COG2: variants seen among roughly 807,000 people sequenced by gnomAD.
COG2 encodes the protein component of oligomeric golgi complex 2, also known as conserved oligomeric Golgi complex subunit 2.
COG2 carries 52 observed loss-of-function variants against 90.6 expected under a neutral mutation model. The observed-to-expected ratio is 0.57, with a 90% CI of 0.46 to 0.72. The LOEUF is 0.72. Among genes scored for constraint, COG2 ranks in the 30% least tolerant of loss-of-function variants. COG2 has a pLI of 0.00. For synonymous variants in COG2, 337 were observed against 320.4 expected, an observed-to-expected ratio of 1.05 and a Z score of -0.55; for missense variants, 829 against 891.2, an observed-to-expected ratio of 0.93 and a Z score of 0.89.
chr1:230,672,189 C>T (rs1662464010), intron 8 of COG2, among the ~76,000 whole-genome samples: 1 of 152,188 alleles, frequency 6.6e-6, no homozygotes, highest in African/African-American at 2.4e-5. Context: ...CAGTCTCTCC[C>T]TCTCTAGTCT....
intron 7 of COG2, chr1:230,670,873 A>G (rs947870916): frequency 6.6e-6 from 1 of 152,004 alleles, no homozygotes; most frequent in Admixed American, 6.6e-5. Flanking sequence ...TTGGTCTCCC[A>G]AAGTGCTGGG....
chr1:230,644,411 G>C (rs1017837565), intron 1 of COG2, among the ~76,000 whole-genome samples: 1 of 152,180 alleles, frequency 6.6e-6, no homozygotes, highest in Non-Finnish European at 1.5e-5. Context: ...CAGAAAGGAT[G>C]GTTGGAACAC....
intron 1 of COG2, among the ~76,000 whole-genome samples, chr1:230,647,857 A>G (rs1307813201): frequency 6.6e-6 from 1 of 151,756 alleles, no homozygotes; most frequent in Admixed American, 6.6e-5. Context: ...TTTTTTAAAG[A>G]CTCTTTTCAA....
intron 15 of COG2, 67 bp from the exon 16 acceptor site, chr1:230,689,947 G>C (rs1315974448): frequency 1.4e-5 from 20 of 1,452,832 alleles, no homozygotes; most frequent in Non-Finnish European, 1.8e-5. Context: ...CTTGAGTTCT[G>C]GGTAACTTAC....
At chr1:230,644,401 C>T (rs529626786) in intron 1 of COG2, among the ~76,000 whole-genome samples, 63 of 152,286 alleles carry the variant, frequency 4.1e-4, no homozygotes, top group African/African-American at 1.5e-3. Flanking sequence ...ACTTCCATGG[C>T]AGAAAGGATG....
At chr1:230,670,176 G>C (rs1662415149) in intron 7 of COG2, 1 of 152,174 alleles carries the variant, frequency 6.6e-6, no homozygotes. Context: ...TTAAAATGTA[G>C]GAAACAAGTA....
chr1:230,663,161 T>C lies in COG2; in HGVS notation c.321T>C (p.Ser107=). ...EEVLSLRSSV[S]EGIRAVDERM... ...TAAAGAGCCTTAGATCGTCTGTCAG[T>C]GAAGGAATTCGGGCAGTTGATGAAC... The change falls in exon 4 of 18, where the codon AGT becomes AGC. Residue 107 remains serine (S), a synonymous_variant. Transcript: ENST00000366669. 6.2e-7 allele frequency: 1 copy of C among 1,610,624 alleles called. No individual in the cohort carries two copies. Among genetic ancestry groups the C allele is most frequent in the Non-Finnish European group, 8.5e-7 (1 of 1,178,304 alleles).
intron 1 of COG2, among the ~76,000 whole-genome samples, chr1:230,658,604 C>T (rs1662116407): frequency 6.6e-6 from 1 of 152,158 alleles, no homozygotes; most frequent in Non-Finnish European, 1.5e-5. Context: ...GCTGCTCTCT[C>T]TAGAGCCATC....
intron 8 of COG2, among the ~76,000 whole-genome samples, chr1:230,672,916 A>G (rs539533853): frequency 1.6e-4 from 25 of 152,324 alleles, no homozygotes; most frequent in African/African-American, 6.0e-4. Flanking sequence ...CTCTGTTTTC[A>G]TGGAGCAAGC....
chr1:230,649,050 C>T (rs1661852956), intron 1 of COG2, among the ~76,000 whole-genome samples: 1 of 152,172 alleles, frequency 6.6e-6, no homozygotes, highest in Non-Finnish European at 1.5e-5. Context: ...CTCGTAAATA[C>T]ATCAAACACA....
In COG2 at chr1:230,664,637, G is replaced by C. The variant is rs369752756; in HGVS notation, c.485+50G>C. The C allele has an allele frequency of 8.5e-6, 8 of 939,132 alleles. No homozygotes were observed. The African/African-American group carries it at 1.0e-4, about 12-fold the overall frequency. 58.2% of individuals were successfully genotyped at this position (939,132 alleles called of 1,614,324 possible). The stretch of plus-strand genomic sequence containing the variant: ...CGTAAATTAATACTTCACATCCAGA[G>C]TAAAAACTTTTTTAGTTAGAACTCA... On this transcript the variant is annotated intron_variant, in intron 5 of 17. Coordinates refer to ENST00000366669, the MANE Select transcript of COG2 (RefSeq NM_007357.3).
At chr1:230,656,240 A>T (rs1354770142) in intron 1 of COG2, among the ~76,000 whole-genome samples, 1 of 152,058 alleles carries the variant, frequency 6.6e-6, no homozygotes, top group Non-Finnish European at 1.5e-5. Context: ...ACTTGTGGGC[A>T]TTTAGTGCTA....
intron 1 of COG2, among the ~76,000 whole-genome samples, chr1:230,651,234 G>A (rs1161491694): frequency 2.0e-5 from 3 of 152,018 alleles, no homozygotes; most frequent in Non-Finnish European, 2.9e-5. Flanking sequence ...TGCAGTAGCC[G>A]ATGATTTGAT....
intron 10 of COG2, chr1:230,682,198 C>T (rs1297557131): frequency 1.3e-5 from 2 of 152,180 alleles, no homozygotes; most frequent in Non-Finnish European, 2.9e-5. Flanking sequence ...TGCCAGCTAT[C>T]AGGCCTTTTC....
At chr1:230,680,092 CG>C (rs1662703611) in intron 10 of COG2, 1 of 152,130 alleles carries the variant, frequency 6.6e-6, no homozygotes, top group Non-Finnish European at 1.5e-5. Context: ...CAGGAAATTA[CG>C]GATTTGTTCA....
intron 1 of COG2, among the ~76,000 whole-genome samples, chr1:230,651,212 T>C (rs941232013): frequency 1.3e-5 from 2 of 152,114 alleles, no homozygotes; most frequent in African/African-American, 4.8e-5. Context: ...GGGATTTGGG[T>C]TCTGTCCCTG....
chr1:230,658,172 T>C (rs571856992), intron 1 of COG2, among the ~76,000 whole-genome samples: 1 of 152,184 alleles, frequency 6.6e-6, no homozygotes, highest in East Asian at 1.9e-4. Flanking sequence ...ATTTTCAGCA[T>C]TTTTGTGCTG....
intron 1 of COG2, among the ~76,000 whole-genome samples, chr1:230,654,331 A>C (rs534102618): frequency 2.0e-4 from 31 of 152,292 alleles, no homozygotes; most frequent in African/African-American, 6.7e-4. Context: ...TTTTCTGCAT[A>C]TGGCTAGCCA....
At chr1:230,657,768 T>C (rs77673385) in intron 1 of COG2, among the ~76,000 whole-genome samples, 9,419 of 152,154 alleles carry the variant, frequency 0.062, 608 homozygotes, top group African/African-American at 0.17. Context: ...TCTTTCCTTT[T>C]TATTCTTTTT....
Sources: gnomAD v4.1 joint callset for allele counts (sites outside exome capture counted in the v4.1 genomes callset) on GRCh38, gnomAD v4.1.1 for gene constraint, MANE v1.5 for transcripts, NCBI Gene and HGNC (gene_info 2026-07-23, HGNC 2026-07-21) for gene names.